Variants in C5orf22 observed in about 807,000 individuals in gnomAD.
The protein encoded by C5orf22 is chromosome 5 open reading frame 22.
In C5orf22, 36 loss-of-function variants were observed where a neutral mutation model predicts 48.7. The ratio of observed to expected loss-of-function variants is 0.74; its 90% confidence interval spans 0.57 to 0.98. C5orf22 has a LOEUF of 0.98. Among genes scored for constraint, C5orf22 ranks in the 50% least tolerant of loss-of-function variants. The pLI is 0.00. For missense variants in C5orf22, 486 were observed against 521.9 expected (o/e 0.93, Z 0.67); for synonymous variants, 141 against 180.8 (o/e 0.78, Z 1.76).
chr5:31,543,685 G>A (rs1358665681), intron 6 of C5orf22, among the ~76,000 whole-genome samples: 1 of 152,176 alleles, frequency 6.6e-6, no homozygotes, highest in East Asian at 1.9e-4. Context: ...TAAGTCACAG[G>A]ACAGGAGTCT....
intron 6 of C5orf22, among the ~76,000 whole-genome samples, chr5:31,542,629 G>C (rs1040203780): frequency 1.3e-5 from 2 of 152,184 alleles, no homozygotes; most frequent in African/African-American, 4.8e-5. Flanking sequence ...AGAATGGAGA[G>C]AGAAGTTCTT....
chr5:31,544,380 GA>G lies in C5orf22; in HGVS notation c.993-1263del, dbSNP rs561868017. 1.9e-3 allele frequency among the ~76,000 whole-genome samples: 289 copies of G among 152,218 alleles called. 1 individual carries two copies. The highest frequency in any genetic ancestry group is 6.9e-3 in the African/African-American group (285 of 41,536). ...GGGCGGATCATGAGGTCAGGAGATC[GA>G]AACCATCCTGGCTAACACGGTGAAA... On this transcript the variant is annotated intron_variant, in intron 6 of 8. Coordinates refer to ENST00000325366, the MANE Select transcript of C5orf22 (RefSeq NM_018356.3).
chr5:31,532,901 T>C (rs991466186), intron 1 of C5orf22, among the ~76,000 whole-genome samples: 1 of 152,068 alleles, frequency 6.6e-6, no homozygotes, highest in Non-Finnish European at 1.5e-5. Flanking sequence ...ACAGTAATCG[T>C]AGGACTCACA....
Position 31,535,745 on chromosome 5 carries a change from G to T in C5orf22, c.229G>T (p.Glu77Ter). 1 of 1,590,438 alleles carries T rather than the reference G, an allele frequency of 6.3e-7. No individual in the cohort carries two copies. The highest frequency in any genetic ancestry group is 8.5e-7 in the Non-Finnish European group (1 of 1,172,146). Residue 77 changes from glutamate (E) to a stop codon, truncating the protein, a stop_gained and splice_region_variant, in exon 3 of 9, where the codon GAA becomes TAA. Transcript: ENST00000325366. LOFTEE classifies it high-confidence loss of function. Reference sequence around the variant, plus strand: ...GTTGTCTCTATGTTTCTTTTCCAGAGAATTAAGTATTGAAAATTGGATTAT... The same window carrying T: ...GTTGTCTCTATGTTTCTTTTCCAGATAATTAAGTATTGAAAATTGGATTAT... ...TVFDKETLFG[E>*]LSIENWIMPA...
In C5orf22 at chr5:31,538,608, G is replaced by A. The variant is rs758559279; in HGVS notation, c.726G>A (p.Leu242=). ...AASTGEILEI[L]KKGKAFVLDI... is the part of the protein sequence containing the mutation. ...GCACTGGGGAAATTCTGGAAATTTTGAAGAAAGGGAAGGCATTTGTTTTAG... is the reference window on the plus strand; with the variant it reads ...GCACTGGGGAAATTCTGGAAATTTTAAAGAAAGGGAAGGCATTTGTTTTAG... Residue 242 remains leucine, a synonymous_variant, in exon 4 of 9, where the codon TTG becomes TTA. Coordinates refer to ENST00000325366, the MANE Select transcript of C5orf22 (RefSeq NM_018356.3). The A allele has an allele frequency of 1.2e-6, 2 of 1,614,112 alleles. No homozygotes were observed. The highest frequency in any genetic ancestry group is 4.5e-5 in the East Asian group (2 of 44,880).
chr5:31,547,270 G>A lies in C5orf22; in HGVS notation c.1059+1558G>A, dbSNP rs187096249. 1.9e-3 allele frequency among the ~76,000 whole-genome samples: 287 copies of A among 152,356 alleles called. 2 individuals carry two copies. Among genetic ancestry groups the A allele is most frequent in the African/African-American group, 6.6e-3 (273 of 41,590 alleles). On this transcript the variant is annotated intron_variant, in intron 7 of 8. Coordinates refer to ENST00000325366, the MANE Select transcript of C5orf22 (RefSeq NM_018356.3). The stretch of plus-strand genomic sequence containing the variant: ...TGTCTTGGGCAGTTCTGCCCCTGTG[G>A]CTTTGCGGGATACAACCTCCCTCCT...
At chr5:31,544,196 C>A (rs1742668401) in intron 6 of C5orf22, among the ~76,000 whole-genome samples, 1 of 152,126 alleles carries the variant, frequency 6.6e-6, no homozygotes, top group Admixed American at 6.5e-5. Context: ...TTACTCCCAG[C>A]AAATTCGTGA....
chr5:31,549,227 GTAAA>G (rs1176994184), intron 7 of C5orf22, among the ~76,000 whole-genome samples: 3 of 151,864 alleles, frequency 2.0e-5, no homozygotes, highest in African/African-American at 4.8e-5. Flanking sequence ...CTCAAAAAAA[GTAAA>G]TAAATAAAAC....
chr5:31,533,157 G>C lies in C5orf22; in HGVS notation c.81+684G>C, dbSNP rs572877776. ...TTTAGTAGAGACGGGGCTTCGCCAC[G>C]TTAGCCAGGATGGTCTGAAAGTCTG... On this transcript the variant is annotated intron_variant, in intron 1 of 8. Transcript: ENST00000325366. Among the ~76,000 whole-genome samples, 5 of 152,046 alleles carry C rather than the reference G, an allele frequency of 3.3e-5. No individual in the cohort carries two copies. The South Asian group carries it at 8.3e-4, about 25-fold the overall frequency.
rs1169814662 is a variant in C5orf22, at chr5:31,537,553, G to A, written c.378-707G>A. Among the ~76,000 whole-genome samples the A allele has an allele frequency of 3.9e-5, 6 of 152,250 alleles. No homozygotes were observed. The East Asian group carries it at 7.7e-4, about 20-fold the overall frequency. ...AAATATTAACCATGATTTTAGGTGG[G>A]TAAGGCATGCCTCTAGAAGAAGTAT... On this transcript the variant is annotated intron_variant, in intron 3 of 8. Transcript: ENST00000325366.
intron 8 of C5orf22, 23 bp downstream of exon 8, chr5:31,551,455 T>C: frequency 6.3e-7 from 1 of 1,585,636 alleles, no homozygotes; most frequent in Non-Finnish European, 8.6e-7. Flanking sequence ...AGCAGAATAA[T>C]GGCAAATCAG....
At chr5:31,543,072 T>G (rs1224526965) in intron 6 of C5orf22, among the ~76,000 whole-genome samples, 1 of 152,224 alleles carries the variant, frequency 6.6e-6, no homozygotes, top group Non-Finnish European at 1.5e-5. Context: ...ATGAAGTATA[T>G]GAGTGAGAAA....
intron 7 of C5orf22, among the ~76,000 whole-genome samples, chr5:31,547,639 G>T (rs1156622941): frequency 1.3e-5 from 2 of 152,252 alleles, no homozygotes; most frequent in African/African-American, 4.8e-5. Flanking sequence ...CAAGGAAGCT[G>T]CCAAGGCCAT....
At chr5:31,536,002 C>A (rs1742052666) in intron 3 of C5orf22, 109 bp downstream of exon 3, 1 of 1,056,132 alleles carries the variant, frequency 9.5e-7, no homozygotes, top group Non-Finnish European at 1.4e-6. Flanking sequence ...TCAGATTAAG[C>A]CTCGACTTCT....
chr5:31,549,265 C>A (rs572629875), intron 7 of C5orf22, among the ~76,000 whole-genome samples: 1 of 152,054 alleles, frequency 6.6e-6, no homozygotes, highest in East Asian at 1.9e-4. Context: ...GATACTCATT[C>A]GCTATCATGA....
chr5:31,549,834 G>A (rs1743134911), intron 7 of C5orf22, among the ~76,000 whole-genome samples: 1 of 151,940 alleles, frequency 6.6e-6, no homozygotes, highest in Non-Finnish European at 1.5e-5. Context: ...CCTGCCATTG[G>A]ACTCCAGCCT....
chr5:31,548,505 T>G (rs1242139976), intron 7 of C5orf22: 1 of 442,656 alleles, frequency 2.3e-6, no homozygotes, highest in South Asian at 1.6e-5. Context: ...AGCAAGTTCT[T>G]CATCTCCATC....
At position 31,534,623 on chromosome 5, in the gene C5orf22, A is replaced by G. The variant is rs1580432531; in HGVS notation, c.227+206A>G. ...CAAATATTTTAGGTTTGCTGGCTATATGGTCTCTGTTGCAACTATTAATCT... is the reference window on the plus strand; with the variant it reads ...CAAATATTTTAGGTTTGCTGGCTATGTGGTCTCTGTTGCAACTATTAATCT... On this transcript the variant is annotated intron_variant, in intron 2 of 8. Transcript: ENST00000325366. 7.4e-6 allele frequency: 4 copies of G among 543,702 alleles called. No individual in the cohort carries two copies. In the East Asian group the frequency reaches 1.3e-4, roughly 17 times the overall value. The allele number at this position is 543,702 out of a possible 1,614,324, so 33.7% of individuals were successfully genotyped here.
chr5:31,547,432 T>C (rs1339519767), intron 7 of C5orf22, among the ~76,000 whole-genome samples: 1 of 152,198 alleles, frequency 6.6e-6, no homozygotes, highest in African/African-American at 2.4e-5. Context: ...GCAGTGCCCC[T>C]AGGGACTCTC....
Sources: gnomAD v4.1 joint callset for allele counts (sites outside exome capture counted in the v4.1 genomes callset) on GRCh38, gnomAD v4.1.1 for gene constraint, MANE v1.5 for transcripts, NCBI Gene and HGNC (gene_info 2026-07-23, HGNC 2026-07-21) for gene names.